MIIP: variants seen among roughly 807,000 people sequenced by gnomAD.
MIIP encodes migration and invasion-inhibitory protein.
MIIP carries 44 observed loss-of-function variants against 44.8 expected under a neutral mutation model. The ratio of observed to expected loss-of-function variants is 0.98; its 90% CI spans 0.77 to 1.26. MIIP has a LOEUF of 1.26. MIIP is among the 50% of genes most tolerant of loss of function. The pLI is 0.00. For missense variants in MIIP, 496 were observed against 511.7 expected, an observed-to-expected ratio of 0.97 and a Z score of 0.30; for synonymous variants, 225 against 218.3, an observed-to-expected ratio of 1.03 and a Z score of -0.27.
intron 8 of MIIP, 36 bp from the exon 9 acceptor site, chr1:12,031,230 C>A: frequency 6.3e-7 from 1 of 1,597,858 alleles, no homozygotes; most frequent in Non-Finnish European, 8.5e-7. Context: ...GGAGCTTGTC[C>A]CAGGTCAGGC....
rs3830888 is a variant in MIIP, at chr1:12,022,512, CAT to C, written c.462+71_462+72del. The C allele has an allele frequency of 1.1e-3, 1,410 of 1,294,772 alleles. 26 individuals are homozygous for C. The East Asian group carries it at 0.027, about 24-fold the overall frequency. 80.2% of individuals were successfully genotyped at this position (1,294,772 alleles called of 1,614,324 possible). ...TGGGCCTCAGTTTCCCTATCTGACA[CAT>C]GTGCTTGTGGGTAGCCTCCCTTGCA... On this transcript the variant is annotated intron_variant, in intron 3 of 9. Transcript: ENST00000235332.
rs1200861607 is a variant in MIIP, at chr1:12,029,824, C to T, written c.775C>T (p.Pro259Ser). Residue 259 changes from proline (P) to serine (S), a missense_variant, in exon 7 of 10, where the codon CCC (proline) becomes TCC (serine). Transcript: ENST00000235332. ...CCCGGTGCCTGTGGATCCCGGTACC[C>T]CCTGCCGCCTGTGCAGGACACCGCG... ...LFPVPVDPGTPCRLCRTPRDQ... is the reference protein window; with the variant it reads ...LFPVPVDPGTSCRLCRTPRDQ... 2 of 1,613,304 alleles carry T rather than the reference C, an allele frequency of 1.2e-6. No homozygotes were observed. Among genetic ancestry groups the T allele is most frequent in the Admixed American group, 1.7e-5 (1 of 59,936 alleles).
chr1:12,022,852 AG>A lies in MIIP; in HGVS notation c.484del (p.Glu162SerfsTer122). 1 of 1,607,316 alleles carries A rather than the reference AG, an allele frequency of 6.2e-7. No individual in the cohort carries two copies. Among genetic ancestry groups the A allele is most frequent in the African/African-American group, 1.3e-5 (1 of 74,810 alleles). On this transcript the variant is annotated frameshift_variant, in exon 4 of 10. Transcript: ENST00000235332. LOFTEE classifies it high-confidence loss of function. Reference protein sequence around the residue: ...KLSKPRVTFSEESAVPKRSWR... With the variant: ...KLSKPRVTFSXESAVPKRSWR... ...CCTCAGCCCAGGGTGACCTTCTCTG[AG>A]GAGTCTGCAGTTCCTAAGAGGAGCT...
At chr1:12,029,976 C>G in intron 7 of MIIP, 52 bp from the exon 8 acceptor site, 3 of 1,609,306 alleles carry the variant, frequency 1.9e-6, no homozygotes, top group Non-Finnish European at 2.5e-6. Context: ...TGGGCGTGGG[C>G]CCCCAACCGC....
chr1:12,026,973 C>T (rs145550811), intron 4 of MIIP, among the ~76,000 whole-genome samples: 1,865 of 151,528 alleles, frequency 0.012, 20 homozygotes, highest in Non-Finnish European at 0.019. Flanking sequence ...TCGTTGCCTT[C>T]AATTTCTCTC....
intron 2 of MIIP, 57 bp downstream of exon 2, chr1:12,021,897 A>T: frequency 7.0e-7 from 1 of 1,437,620 alleles, no homozygotes; most frequent in East Asian, 2.4e-5. Flanking sequence ...TCAGGCCAGC[A>T]TCCAGGCTTC....
Position 12,022,127 on chromosome 1 carries a change from A to G in MIIP, c.147A>G (p.Ser49=). The G allele has an allele frequency of 6.2e-7, 1 of 1,613,948 alleles. No individual in the cohort carries two copies. Among genetic ancestry groups the G allele is most frequent in the African/African-American group, 1.3e-5 (1 of 75,018 alleles). The change falls in exon 3 of 10, where the codon TCA becomes TCG. Residue 49 remains serine (S), a synonymous_variant. Coordinates refer to ENST00000235332, the MANE Select transcript of MIIP (RefSeq NM_021933.4). ...TGGAATCCAGCAGCAGCTACAACTC[A>G]GAGACTCCATCGACCCCAGAGACGT... The part of the protein sequence containing the change: ...SSLESSSSYN[S]ETPSTPETSS...
At position 12,029,079 on chromosome 1, in the gene MIIP, C is replaced by T. The variant is rs757061312; in HGVS notation, c.594C>T (p.Phe198=). 2.5e-6 allele frequency: 4 copies of T among 1,614,174 alleles called. No individual in the cohort carries two copies. The highest frequency in any genetic ancestry group is 3.4e-6 in the Non-Finnish European group (4 of 1,180,012). ...CCATCACCAGCCAGCCTGAGGCCTT[C>T]TTCTCCAAGCTGCAGGAGTTTCGGG... ...SSSITSQPEA[F]FSKLQEFRET... Residue 198 remains phenylalanine, a synonymous_variant, in exon 5 of 10, where the codon TTC becomes TTT. Coordinates refer to ENST00000235332, the MANE Select transcript of MIIP (RefSeq NM_021933.4).
chr1:12,029,997 C>T (rs781302060), intron 7 of MIIP, 31 bp from the exon 8 acceptor site: 1 of 1,611,696 alleles, frequency 6.2e-7, no homozygotes, highest in African/African-American at 1.3e-5. Flanking sequence ...TGGGAGGCTC[C>T]TCAGGGGTCC....
chr1:12,024,156 T>C (rs1372220597), intron 4 of MIIP: 1 of 152,254 alleles, frequency 6.6e-6, no homozygotes, highest in Non-Finnish European at 1.5e-5. Flanking sequence ...ATCTGCTCTC[T>C]CAACCTCAGG....
chr1:12,028,534 G>A (rs1640152281), intron 4 of MIIP, among the ~76,000 whole-genome samples: 1 of 152,096 alleles, frequency 6.6e-6, no homozygotes, highest in Non-Finnish European at 1.5e-5. Context: ...TTCCTGGGAG[G>A]TCTCTGTGGC....
chr1:12,020,273 G>A (rs921413378), intron 1 of MIIP, among the ~76,000 whole-genome samples: 9 of 152,228 alleles, frequency 5.9e-5, no homozygotes, highest in African/African-American at 2.2e-4. Context: ...AGGAGGAAGG[G>A]AGGGCAGGAA....
Position 12,022,186 on chromosome 1 carries a change from G to A in MIIP, c.206G>A (p.Gly69Asp). ...STSLSTSCPR[G>D]RSSVWGPPDA... ...TCCTTGAGCACCTCCTGCCCACGGG[G>A]CCGGTCCTCCGTGTGGGGCCCACCA... The change falls in exon 3 of 10, where the codon GGC becomes GAC. Residue 69 changes from glycine to aspartate, a missense_variant. Transcript: ENST00000235332. 9 of 1,613,750 alleles carry A rather than the reference G, an allele frequency of 5.6e-6. No homozygotes were observed. The highest frequency in any genetic ancestry group is 7.6e-6 in the Non-Finnish European group (9 of 1,179,860).
At position 12,031,406 on chromosome 1, in the gene MIIP, A is replaced by G; in HGVS notation, c.1080+3A>G. 1.2e-6 allele frequency: 2 copies of G among 1,613,124 alleles called. No homozygotes were observed. Among genetic ancestry groups the G allele is most frequent in the Non-Finnish European group, 1.7e-6 (2 of 1,179,594 alleles). On this transcript the variant is annotated splice_donor_region_variant and intron_variant, in intron 9 of 9. Transcript: ENST00000235332. ...GCACCAGCAGCCCTTTTCACCCGGTACGGTCCAGATCGCATCCTAGCCTGG... is the reference window on the plus strand; with the variant it reads ...GCACCAGCAGCCCTTTTCACCCGGTGCGGTCCAGATCGCATCCTAGCCTGG...
chr1:12,030,121 C>A lies in MIIP; in HGVS notation c.939C>A (p.Pro313=), dbSNP rs1173246893. Residue 313 remains proline, a synonymous_variant, in exon 8 of 10, where the codon CCC becomes CCA. Transcript: ENST00000235332. ...SFDASDTLAL[P]RHCLLGWDIF... ...ACGCCTCTGACACACTGGCCCTGCC[C>A]CGGGTGAGCAGCCACGTGGGGCTGG... 6.2e-7 allele frequency: 1 copy of A among 1,612,498 alleles called. No individual in the cohort carries two copies. Among genetic ancestry groups the A allele is most frequent in the Admixed American group, 1.7e-5 (1 of 60,010 alleles).
Position 12,029,043 on chromosome 1 carries a change from C to T in MIIP, c.558C>T (p.Asp186=). Residue 186 remains aspartate (D), a synonymous_variant, in exon 5 of 10, where the codon GAC becomes GAT. Coordinates refer to ENST00000235332, the MANE Select transcript of MIIP (RefSeq NM_021933.4). The part of the protein sequence containing the change: ...LGYDWIAGSL[D]TSSSITSQPE... ...CTTTGCCCACACCAGGGTCTCTGGA[C>T]ACCAGCTCTTCCATCACCAGCCAGC... is the stretch of plus-strand genomic sequence containing the variant. The T allele has an allele frequency of 1.2e-6, 2 of 1,614,050 alleles. No individual in the cohort carries two copies. The highest frequency in any genetic ancestry group is 2.2e-5 in the East Asian group (1 of 44,880).
At chr1:12,028,583 G>A (rs1339603922) in intron 4 of MIIP, 1 of 171,852 alleles carries the variant, frequency 5.8e-6, no homozygotes, top group African/African-American at 2.4e-5. Context: ...CACTCGGAGA[G>A]GCCTTCCCTG....
chr1:12,022,469 T>A, intron 3 of MIIP, 27 bp downstream of exon 3: 1 of 1,471,872 alleles, frequency 6.8e-7, no homozygotes. Flanking sequence ...GGACATCTGC[T>A]GATGGGAGGA....
Position 12,030,024 on chromosome 1 carries a change from G to A in MIIP, c.846-4G>A, listed in dbSNP as rs774187172. On this transcript the variant is annotated splice_region_variant and splice_polypyrimidine_tract_variant and intron_variant, in intron 7 of 9. Coordinates refer to ENST00000235332, the MANE Select transcript of MIIP (RefSeq NM_021933.4). Reference sequence around the variant, plus strand: ...CAGGGGTCCCCCACTGCCCCCCTGCGCAGGGTGAGCATCCCGCTGTCGATC... The same window carrying A: ...CAGGGGTCCCCCACTGCCCCCCTGCACAGGGTGAGCATCCCGCTGTCGATC... 28 of 1,613,188 alleles carry A rather than the reference G, an allele frequency of 1.7e-5. No homozygotes were observed. The highest frequency in any genetic ancestry group is 6.7e-5 in the Admixed American group (4 of 60,004).
Sources: allele counts gnomAD v4.1 joint callset (sites outside exome capture counted in the v4.1 genomes callset), GRCh38; gene constraint gnomAD v4.1.1; transcripts MANE v1.5; gene names NCBI Gene and HGNC (gene_info 2026-07-23, HGNC 2026-07-21).